The following ACER3 variants were observed in gnomAD, a reference collection of about 807,000 sequenced individuals.
ACER3 encodes alkCDase 3.
Under a neutral mutation model 48.9 loss-of-function variants are expected in ACER3, and 16 were observed. The ratio of observed to expected loss-of-function variants is 0.33; its 90% CI spans 0.22 to 0.50. The LOEUF is 0.50. Ranked by LOEUF, ACER3 falls within the 20% of genes least tolerant of loss-of-function variation. The pLI, the probability that ACER3 is intolerant of heterozygous loss-of-function variation, is 0.98. For missense variants in ACER3, 227 were observed against 326.0 expected (o/e 0.70, Z 2.34); for synonymous variants, 109 against 107.8 (o/e 1.01, Z -0.07).
chr11:76,901,186 G>T lies in ACER3; in HGVS notation c.104-25371G>T, dbSNP rs190266291. ...CCTGATTTAGAGATTTTGCATTTAA[G>T]GGGGTAGATCACTTTGATACTTTTG... On this transcript the variant is annotated intron_variant, in intron 1 of 10. Transcript: ENST00000532485. Among the ~76,000 whole-genome samples the T allele has an allele frequency of 2.1e-3, 323 of 151,970 alleles. 1 individual carries two copies. Among genetic ancestry groups the T allele is most frequent in the African/African-American group, 7.5e-3 (312 of 41,410 alleles).
In ACER3 at chr11:77,019,776, G is replaced by T; in HGVS notation, c.750G>T (p.Lys250Asn). ...ACCTGAGATATAGGCCAAAAGTGAA[G>T]GTAAGTCCACTTCCTAGGTCCTGTG... ...TLYLRYRPKVKFLFGIWPVIL... is the reference protein window; with the variant it reads ...TLYLRYRPKVNFLFGIWPVIL... Residue 250 changes from lysine to asparagine, a missense_variant and splice_region_variant, in exon 10 of 11, where the codon AAG becomes AAT. Lys to Asn is a moderately conservative substitution (Grantham distance 94). Coordinates refer to ENST00000532485, the MANE Select transcript of ACER3 (RefSeq NM_018367.7). 1 of 1,613,682 alleles carries T rather than the reference G, an allele frequency of 6.2e-7. No individual in the cohort carries two copies. The highest frequency in any genetic ancestry group is 8.5e-7 in the Non-Finnish European group (1 of 1,179,628).
intron 1 of ACER3, among the ~76,000 whole-genome samples, chr11:76,905,849 A>G (rs1946216650): frequency 6.6e-6 from 1 of 152,254 alleles, no homozygotes; most frequent in African/African-American, 2.4e-5. Flanking sequence ...ATAAAACAAG[A>G]AAACAAAGCA....
rs1165792192 is a variant in ACER3 at position 77,025,544 on chromosome 11, G to A, written c.*5217G>A. On this transcript the variant is annotated 3_prime_UTR_variant, in exon 11 of 11. Transcript: ENST00000532485. Reference sequence around the variant, plus strand: ...CTGCCTCAGCCTCCCGAGTAGCTGGGACTACAGGCACATGCCACCATGCCA... The same window carrying A: ...CTGCCTCAGCCTCCCGAGTAGCTGGAACTACAGGCACATGCCACCATGCCA... 1 of 151,936 alleles carries A rather than the reference G, an allele frequency of 6.6e-6. No individual in the cohort carries two copies. The highest frequency in any genetic ancestry group is 1.5e-5 in the Non-Finnish European group (1 of 68,030). 9.4% of individuals were successfully genotyped at this position (151,936 alleles called of 1,614,324 possible). A position where few individuals can be genotyped will look rare whatever the true frequency, so the allele number is the denominator to read the frequency against.
At chr11:76,899,913 A>G (rs1027383496) in intron 1 of ACER3, among the ~76,000 whole-genome samples, 1 of 152,178 alleles carries the variant, frequency 6.6e-6, no homozygotes, top group African/African-American at 2.4e-5. Flanking sequence ...CTAATTACTA[A>G]TAGCTTACTG....
chr11:77,012,206 T>G (rs1214620125), intron 7 of ACER3, among the ~76,000 whole-genome samples: 1 of 151,698 alleles, frequency 6.6e-6, no homozygotes, highest in East Asian at 1.9e-4. Context: ...GATCACGAGG[T>G]CAAGAGATCG....
chr11:76,919,753 G>T (rs1170875523), intron 1 of ACER3, among the ~76,000 whole-genome samples: 1 of 151,950 alleles, frequency 6.6e-6, no homozygotes, highest in East Asian at 1.9e-4. Context: ...TTAGTTTTCA[G>T]TTATAAAGAC....
At chr11:77,004,092 T>C (rs1949086248) in intron 7 of ACER3, among the ~76,000 whole-genome samples, 1 of 152,228 alleles carries the variant, frequency 6.6e-6, no homozygotes, top group South Asian at 2.1e-4. Flanking sequence ...TTGGTGGTTG[T>C]GTCAGTGTTC....
rs1555025501 is a variant in ACER3 at position 77,025,408 on chromosome 11, A to ATATATATATT, written c.*5084_*5085insATATATTTAT. 1.2e-4 allele frequency: 18 copies of ATATATATATT among 144,112 alleles called. No homozygotes were observed. The highest frequency in any genetic ancestry group is 4.0e-4 in the African/African-American group (15 of 37,934). The allele number at this position is 144,112 out of a possible 1,614,324, so 8.9% of individuals were successfully genotyped here. ...TTTTATTCTTTATATATATATATAT[A>ATATATATATT]TATTTATTTATTTTTTTGAGACAGA... On this transcript the variant is annotated 3_prime_UTR_variant, in exon 11 of 11. Transcript: ENST00000532485.
At chr11:77,000,356 T>C (rs1017359999) in intron 7 of ACER3, among the ~76,000 whole-genome samples, 1 of 152,198 alleles carries the variant, frequency 6.6e-6, no homozygotes, top group Non-Finnish European at 1.5e-5. Context: ...ATGTGATTTG[T>C]GAATTCTTTC....
intron 1 of ACER3, among the ~76,000 whole-genome samples, chr11:76,906,669 G>A (rs1565169832): frequency 6.6e-6 from 1 of 152,030 alleles, no homozygotes; most frequent in Non-Finnish European, 1.5e-5. Context: ...CTGTGCAGTG[G>A]GCAAGAAGAA....
intron 2 of ACER3, among the ~76,000 whole-genome samples, chr11:76,934,907 G>T (rs1356455): frequency 1.3e-5 from 2 of 151,878 alleles, no homozygotes; most frequent in African/African-American, 4.8e-5. Flanking sequence ...AACCATTTGC[G>T]TGATAGAATT....
intron 1 of ACER3, among the ~76,000 whole-genome samples, chr11:76,865,857 C>T (rs1945071977): frequency 6.6e-6 from 1 of 150,612 alleles, no homozygotes; most frequent in Non-Finnish European, 1.5e-5. Context: ...CATTCTGTCG[C>T]CCAGGCTGGA....
At chr11:77,012,828 G>C (rs1440358052) in intron 7 of ACER3, among the ~76,000 whole-genome samples, 1 of 152,170 alleles carries the variant, frequency 6.6e-6, no homozygotes, top group Non-Finnish European at 1.5e-5. Context: ...ACTGCGAATA[G>C]CCAAAACAGT....
chr11:76,934,364 C>T (rs943015094), intron 2 of ACER3, among the ~76,000 whole-genome samples: 10 of 152,190 alleles, frequency 6.6e-5, no homozygotes, highest in Non-Finnish European at 1.3e-4. Context: ...TGTAGCCAGC[C>T]GAGATCACGC....
intron 3 of ACER3, among the ~76,000 whole-genome samples, chr11:76,973,743 C>T (rs1591016562): frequency 1.3e-5 from 2 of 152,162 alleles, no homozygotes; most frequent in African/African-American, 4.8e-5. Context: ...TACTGAAGTA[C>T]ACTTTATCTG....
At chr11:77,005,612 GC>G (rs1348655241) in intron 7 of ACER3, among the ~76,000 whole-genome samples, 3 of 151,832 alleles carry the variant, frequency 2.0e-5, no homozygotes, top group African/African-American at 4.8e-5. Context: ...TCTCTTCCTA[GC>G]TTCTAGTAGT....
At chr11:76,907,740 G>A (rs1019753278) in intron 1 of ACER3, among the ~76,000 whole-genome samples, 23 of 152,074 alleles carry the variant, frequency 1.5e-4, no homozygotes, top group Admixed American at 1.4e-3. Flanking sequence ...GCATGGTGAT[G>A]CATGCCTATA....
At chr11:76,897,606 G>A (rs947117682) in intron 1 of ACER3, among the ~76,000 whole-genome samples, 2 of 151,940 alleles carry the variant, frequency 1.3e-5, no homozygotes, top group Non-Finnish European at 2.9e-5. Context: ...TTTAAGTATT[G>A]GGAAGCTGTC....
intron 1 of ACER3, among the ~76,000 whole-genome samples, chr11:76,863,951 C>G (rs1945007148): frequency 6.6e-6 from 1 of 152,174 alleles, no homozygotes; most frequent in East Asian, 1.9e-4. Flanking sequence ...TGTTTTGCCC[C>G]TATATTCAAG....
Sources: allele counts gnomAD v4.1 joint callset (sites outside exome capture counted in the v4.1 genomes callset), GRCh38; gene constraint gnomAD v4.1.1; transcripts MANE v1.5; gene names NCBI Gene and HGNC (gene_info 2026-07-23, HGNC 2026-07-21).